Variants in STAG1 observed in about 807,000 individuals in gnomAD.
STAG1 encodes cohesin subunit SA-1.
STAG1 carries 26 observed loss-of-function variants against 170.9 expected under a neutral mutation model. The ratio of observed to expected loss-of-function variants is 0.15; its 90% confidence interval spans 0.11 to 0.21. The LOEUF is 0.21. STAG1 is among the 10% of genes least tolerant of loss of function. STAG1 has a pLI of 1.00. For missense variants in STAG1, 964 were observed against 1,509.5 expected, an observed-to-expected ratio of 0.64 and a Z score of 5.99; for synonymous variants, 514 against 497.7, an observed-to-expected ratio of 1.03 and a Z score of -0.44.
At chr3:136,489,765 A>G (rs2090086658) in intron 9 of STAG1, among the ~76,000 whole-genome samples, 1 of 152,242 alleles carries the variant, frequency 6.6e-6, no homozygotes, top group Admixed American at 6.5e-5. Context: ...ATCCTTTATT[A>G]GACTAAGAAC....
At chr3:136,649,503 C>CAAAAAAAAAAAAAAAAAAAAAAAAAAAA (rs761067087) in intron 1 of STAG1, among the ~76,000 whole-genome samples, 7 of 70,822 alleles carry the variant, frequency 9.9e-5, no homozygotes, top group African/African-American at 1.3e-4. Flanking sequence ...AAAACAGAAA[C>CAAAAAAAAAAAAAAAAAAAAAAAAAAAA]AAAAAAAAAA....
intron 1 of STAG1, among the ~76,000 whole-genome samples, chr3:136,702,089 G>C (rs1019634900): frequency 3.2e-5 from 3 of 93,246 alleles, no homozygotes; most frequent in Admixed American, 1.9e-4. Flanking sequence ...GAGAGAGAGA[G>C]AGAGAGAGAG....
At chr3:136,628,070 G>A (rs1478648959) in intron 2 of STAG1, among the ~76,000 whole-genome samples, 1 of 152,160 alleles carries the variant, frequency 6.6e-6, no homozygotes, top group African/African-American at 2.4e-5. Context: ...ACCTGTCGAG[G>A]GAGGGACCTG....
intron 1 of STAG1, among the ~76,000 whole-genome samples, chr3:136,684,379 A>T (rs1251059332): frequency 6.6e-6 from 1 of 152,232 alleles, no homozygotes; most frequent in Non-Finnish European, 1.5e-5. Context: ...CACCCACACA[A>T]ATACAGTCAA....
chr3:136,490,770 A>G (rs1476430770), intron 9 of STAG1, among the ~76,000 whole-genome samples: 1 of 152,204 alleles, frequency 6.6e-6, no homozygotes, highest in Admixed American at 6.6e-5. Context: ...TTGTAACATA[A>G]AAGGATGAAA....
intron 6 of STAG1, among the ~76,000 whole-genome samples, chr3:136,523,996 A>T (rs1292949062): frequency 6.6e-6 from 1 of 152,090 alleles, no homozygotes; most frequent in Non-Finnish European, 1.5e-5. Context: ...TGGTTACTGT[A>T]GCCTTGTAGT....
intron 5 of STAG1, among the ~76,000 whole-genome samples, chr3:136,563,203 G>A (rs1469378378): frequency 6.6e-6 from 1 of 152,130 alleles, no homozygotes; most frequent in Non-Finnish European, 1.5e-5. Flanking sequence ...TTTTGAGACT[G>A]GGTAAATATT....
At chr3:136,714,317 C>T (rs1331959727) in intron 1 of STAG1, among the ~76,000 whole-genome samples, 1 of 152,092 alleles carries the variant, frequency 6.6e-6, no homozygotes, top group Non-Finnish European at 1.5e-5. Flanking sequence ...GAGAACTGGC[C>T]AAGCACAGTA....
At chr3:136,544,196 G>T (rs555115237) in intron 5 of STAG1, among the ~76,000 whole-genome samples, 1 of 152,248 alleles carries the variant, frequency 6.6e-6, no homozygotes, top group East Asian at 1.9e-4. Context: ...GAGGTAAATT[G>T]TCAGAAAAGT....
chr3:136,456,328 A>T (rs1576483307), intron 13 of STAG1, among the ~76,000 whole-genome samples: 1 of 152,224 alleles, frequency 6.6e-6, no homozygotes, highest in African/African-American at 2.4e-5. Context: ...AATTTTTAAA[A>T]ATCAAATATA....
intron 6 of STAG1, among the ~76,000 whole-genome samples, chr3:136,530,681 A>C (rs1935325439): frequency 6.6e-6 from 1 of 152,204 alleles, no homozygotes; most frequent in Admixed American, 6.5e-5. Flanking sequence ...CAACGAAGAA[A>C]TTAAGGTGTA....
In STAG1 at chr3:136,633,937, A is replaced by G. The variant is rs562421310; in HGVS notation, c.-83-2956T>C. Reference sequence around the variant, plus strand: ...TCAAGAGTTTAAGACCAGACTGGCCAACATGGTGAAACCCTGTCTCTACTT... The same window carrying G: ...TCAAGAGTTTAAGACCAGACTGGCCGACATGGTGAAACCCTGTCTCTACTT... On this transcript the variant is annotated intron_variant, in intron 1 of 33. Transcript: ENST00000383202. Among the ~76,000 whole-genome samples the G allele has an allele frequency of 7.4e-4, 102 of 138,216 alleles. 1 individual carries two copies. Among genetic ancestry groups the G allele is most frequent in the Non-Finnish European group, 1.2e-3 (78 of 64,660 alleles). The allele number at this position is 138,216 out of a possible 152,430, so 90.7% of individuals were successfully genotyped here. A position where few individuals can be genotyped will look rare whatever the true frequency, so the allele number is the denominator to read the frequency against.
chr3:136,378,721 GCTTA>G (rs370981940), intron 22 of STAG1, among the ~76,000 whole-genome samples: 17 of 152,244 alleles, frequency 1.1e-4, no homozygotes, highest in Non-Finnish European at 2.5e-4. Context: ...TGGTTTAAGG[GCTTA>G]CTATTATATA....
At chr3:136,649,801 T>C (rs1941154462) in intron 1 of STAG1, among the ~76,000 whole-genome samples, 1 of 151,374 alleles carries the variant, frequency 6.6e-6, no homozygotes, top group Admixed American at 6.6e-5. Flanking sequence ...AGAGTCTCAC[T>C]CTGTCACCCA....
intron 5 of STAG1, among the ~76,000 whole-genome samples, chr3:136,560,598 T>C (rs954307175): frequency 6.6e-6 from 1 of 152,224 alleles, no homozygotes; most frequent in Non-Finnish European, 1.5e-5. Flanking sequence ...ATACTGAATA[T>C]ATCTATTACT....
rs200630420 is a variant in STAG1 at position 136,617,055 on chromosome 3, TA to T, written c.132+6090del. ...AACTTCACTTCTAGAAATTTAGGAT[TA>T]AAAAAAACAATGGCTATACAGCAAA... On this transcript the variant is annotated intron_variant, in intron 3 of 33. Transcript: ENST00000383202. 3.2e-4 allele frequency among the ~76,000 whole-genome samples: 49 copies of T among 152,044 alleles called. 1 individual carries two copies. The highest frequency in any genetic ancestry group is 3.1e-3 in the East Asian group (16 of 5,192).
At chr3:136,582,734 GGC>G (rs1937617465) in intron 4 of STAG1, among the ~76,000 whole-genome samples, 1 of 152,192 alleles carries the variant, frequency 6.6e-6, no homozygotes, top group Admixed American at 6.6e-5. Flanking sequence ...AGGAGACGGA[GGC>G]TGCAGTGAGC....
intron 5 of STAG1, among the ~76,000 whole-genome samples, chr3:136,547,149 A>C (rs1056494267): frequency 2.3e-4 from 35 of 152,232 alleles, no homozygotes; most frequent in African/African-American, 8.0e-4. Context: ...TTTCTATTTT[A>C]GAATAGTTTT....
At chr3:136,657,039 T>C (rs1424479098) in intron 1 of STAG1, among the ~76,000 whole-genome samples, 1 of 151,524 alleles carries the variant, frequency 6.6e-6, no homozygotes, top group Non-Finnish European at 1.5e-5. Context: ...GTCCTATAAA[T>C]GGAGAGCAAT....
Sources: allele counts gnomAD v4.1 joint callset (sites outside exome capture counted in the v4.1 genomes callset), GRCh38; gene constraint gnomAD v4.1.1; transcripts MANE v1.5; gene names NCBI Gene and HGNC (gene_info 2026-07-23, HGNC 2026-07-21).